MYBPC1: variants seen among roughly 807,000 people sequenced by gnomAD.
The protein encoded by MYBPC1 is myosin-binding protein C, slow-type.
In MYBPC1, 52 loss-of-function variants were observed where a neutral mutation model predicts 147.1. The ratio of observed to expected loss-of-function variants is 0.35; its 90% CI spans 0.28 to 0.45. MYBPC1 has a LOEUF of 0.45. Among genes scored for constraint, MYBPC1 ranks in the 20% least tolerant of loss-of-function variants. The pLI, the probability that MYBPC1 is intolerant of heterozygous loss-of-function variation, is 1.00. For synonymous variants in MYBPC1, 477 were observed against 475.9 expected, an observed-to-expected ratio of 1.00 and a Z score of -0.03; for missense variants, 1,228 against 1,440.3, an observed-to-expected ratio of 0.85 and a Z score of 2.39.
chr12:101,616,097 C>A (rs753754812), intron 2 of MYBPC1, among the ~76,000 whole-genome samples: 1 of 152,036 alleles, frequency 6.6e-6, no homozygotes, highest in Non-Finnish European at 1.5e-5. Flanking sequence ...ACACTCAAAC[C>A]CTAAACAGTA....
chr12:101,623,625 G>C (rs1009033282), intron 3 of MYBPC1, among the ~76,000 whole-genome samples: 1 of 152,092 alleles, frequency 6.6e-6, no homozygotes. Flanking sequence ...TGGTTCAAGC[G>C]TCCAGTTTAT....
chr12:101,667,609 A>G, intron 22 of MYBPC1, 123 bp from the exon 23 acceptor site: 1 of 1,163,876 alleles, frequency 8.6e-7, no homozygotes, highest in Non-Finnish European at 1.3e-6. Flanking sequence ...CAAAGTCATA[A>G]TGTCTCTAAA....
chr12:101,651,498 A>AG (rs1251835290), intron 16 of MYBPC1, 105 bp downstream of exon 16: 1 of 1,450,038 alleles, frequency 6.9e-7, no homozygotes, highest in Non-Finnish European at 9.7e-7. Context: ...AGCCATAGGG[A>AG]GATCATCTAT....
chr12:101,629,624 G>GAGTGCTGGGATTA, intron 6 of MYBPC1, 80 bp downstream of exon 6: 4 of 920,776 alleles, frequency 4.3e-6, no homozygotes, highest in Non-Finnish European at 6.5e-6. Context: ...TGTAATCCCA[G>GAGTGCTGGGATTA]CACTCTGGGA....
chr12:101,680,205 G>A, intron 28 of MYBPC1, 138 bp from the exon 29 acceptor site: 1 of 828,058 alleles, frequency 1.2e-6, no homozygotes, highest in East Asian at 2.7e-5. Flanking sequence ...GAGAAATAGT[G>A]TCAAGTAAAA....
intron 22 of MYBPC1, among the ~76,000 whole-genome samples, chr12:101,667,322 C>T (rs531635074): frequency 2.0e-5 from 3 of 152,272 alleles, no homozygotes; most frequent in African/African-American, 7.2e-5. Flanking sequence ...ATGTCTCATT[C>T]ATAAAGATAG....
chr12:101,641,107 G>A (rs1448907096), intron 10 of MYBPC1, among the ~76,000 whole-genome samples: 1 of 117,538 alleles, frequency 8.5e-6, no homozygotes, highest in African/African-American at 3.3e-5. Flanking sequence ...GTGAGACTCT[G>A]TCTCAAAGAA....
chr12:101,678,200 A>G lies in MYBPC1; in HGVS notation c.3208A>G (p.Asn1070Asp). 1 of 1,614,186 alleles carries G rather than the reference A, an allele frequency of 6.2e-7. No homozygotes were observed. Among genetic ancestry groups the G allele is most frequent in the African/African-American group, 1.3e-5 (1 of 75,064 alleles). The change falls in exon 28 of 32, where the codon AAT becomes GAT. Residue 1070 changes from asparagine (N) to aspartate (D), a missense_variant. By Grantham distance (23) the Asn-to-Asp change is conservative. Transcript: ENST00000361466. ...TAACACCTATGCCATAGCTGGTTAC[A>G]ATGCCACCCTAAACTGCAGTGTGAG... The part of the protein sequence containing the change: ...LVNTYAIAGY[N>D]ATLNCSVRGN...
chr12:101,670,029 A>C (rs917137058), intron 23 of MYBPC1: 24 of 494,878 alleles, frequency 4.8e-5, no homozygotes, highest in Non-Finnish European at 6.6e-5. Flanking sequence ...CTTTAGGCTT[A>C]TTACAACAAT....
chr12:101,679,818 C>A (rs1016638205), intron 28 of MYBPC1, among the ~76,000 whole-genome samples: 14 of 151,652 alleles, frequency 9.2e-5, no homozygotes, highest in African/African-American at 3.2e-4. Flanking sequence ...GAAAAAAATG[C>A]TCAGCAAATA....
intron 28 of MYBPC1, among the ~76,000 whole-genome samples, chr12:101,678,936 G>A (rs546221688): frequency 2.3e-4 from 35 of 152,218 alleles, no homozygotes; most frequent in African/African-American, 6.3e-4. Flanking sequence ...TGAGGCAGGC[G>A]GATCACTTGG....
intron 1 of MYBPC1, among the ~76,000 whole-genome samples, chr12:101,596,889 A>T (rs1351483630): frequency 6.6e-6 from 1 of 152,246 alleles, no homozygotes; most frequent in Non-Finnish European, 1.5e-5. Context: ...CACCCAGGAC[A>T]GTAATTTTAT....
At chr12:101,645,239 T>C (rs1389246292) in intron 12 of MYBPC1, among the ~76,000 whole-genome samples, 1 of 152,232 alleles carries the variant, frequency 6.6e-6, no homozygotes, top group Non-Finnish European at 1.5e-5. Context: ...TCAATTCAGG[T>C]ACTGTTTTGA....
intron 3 of MYBPC1, among the ~76,000 whole-genome samples, chr12:101,624,374 T>C (rs1226582002): frequency 6.6e-6 from 1 of 152,236 alleles, no homozygotes; most frequent in Non-Finnish European, 1.5e-5. Flanking sequence ...TATGTCTTTT[T>C]GTCAGGAATT....
At chr12:101,657,690 A>G (rs190002639) in intron 18 of MYBPC1, among the ~76,000 whole-genome samples, 358 of 152,322 alleles carry the variant, frequency 2.4e-3, no homozygotes, top group African/African-American at 8.3e-3. Flanking sequence ...AACAAATTGA[A>G]TCAATAATTA....
chr12:101,692,422 C>T, the MYBPC1 span, among the ~76,000 whole-genome samples: 10 of 152,064 alleles, frequency 6.6e-5, no homozygotes, highest in African/African-American at 9.7e-5. Context: ...TGGCATTTTG[C>T]AGTCGTTGGG....
the MYBPC1 span, among the ~76,000 whole-genome samples, chr12:101,691,079 T>C: frequency 6.6e-6 from 1 of 151,988 alleles, no homozygotes; most frequent in Non-Finnish European, 1.5e-5. Flanking sequence ...TACTTATTTA[T>C]TTATTTATTT....
At position 101,658,908 on chromosome 12, in the gene MYBPC1, A is replaced by T. The variant is rs112766868; in HGVS notation, c.1768-764A>T. ...TTAGTGGCAAATAACCAGTTTCTAA[A>T]TTACTTTGACCTTCTCTGTTTTTCC... On this transcript the variant is annotated intron_variant, in intron 18 of 31. Transcript: ENST00000361466. Among the ~76,000 whole-genome samples, 575 of 152,310 alleles carry T rather than the reference A, an allele frequency of 3.8e-3. 4 individuals are homozygous for T. Among genetic ancestry groups the T allele is most frequent in the African/African-American group, 0.013 (552 of 41,572 alleles).
intron 3 of MYBPC1, among the ~76,000 whole-genome samples, chr12:101,622,345 C>A (rs1262538927): frequency 6.6e-6 from 1 of 152,060 alleles, no homozygotes; most frequent in Non-Finnish European, 1.5e-5. Context: ...CCAAATCAAG[C>A]CAGGCAATTT....
Sources: allele counts gnomAD v4.1 joint callset (sites outside exome capture counted in the v4.1 genomes callset), GRCh38; gene constraint gnomAD v4.1.1; transcripts MANE v1.5; gene names NCBI Gene and HGNC (gene_info 2026-07-23, HGNC 2026-07-21).